FNBP1L: variants seen among roughly 807,000 people sequenced by gnomAD.
The protein encoded by FNBP1L is formin binding protein 1 like, also known as formin-binding protein 1-like.
A neutral mutation model predicts 91.2 loss-of-function variants in FNBP1L; 36 were observed. The observed-to-expected ratio is 0.39, with a 90% CI of 0.30 to 0.52. The LOEUF is 0.52. Ranked by LOEUF, FNBP1L falls within the 20% of genes least tolerant of loss-of-function variation. FNBP1L has a pLI of 0.66. For synonymous variants in FNBP1L, 242 were observed against 237.0 expected, an observed-to-expected ratio of 1.02 and a Z score of -0.19; for missense variants, 571 against 732.1, an observed-to-expected ratio of 0.78 and a Z score of 2.54.
chr1:93,492,067 A>G (rs1176443376), intron 1 of FNBP1L, among the ~76,000 whole-genome samples: 2 of 152,230 alleles, frequency 1.3e-5, no homozygotes, highest in Non-Finnish European at 2.9e-5. Flanking sequence ...GAGCTAATAC[A>G]TAGATATAGT....
intron 2 of FNBP1L, among the ~76,000 whole-genome samples, chr1:93,520,123 AATTATTGGTAT>A (rs1328282147): frequency 6.6e-6 from 1 of 152,128 alleles, no homozygotes; most frequent in Admixed American, 6.5e-5. Flanking sequence ...AGTATATTAC[AATTATTGGTAT>A]ATACTTGTCT....
chr1:93,513,049 A>G (rs948284632), intron 2 of FNBP1L, among the ~76,000 whole-genome samples: 1 of 152,248 alleles, frequency 6.6e-6, no homozygotes, highest in Admixed American at 6.5e-5. Flanking sequence ...AAAAGAGAGA[A>G]GAATCAAATA....
intron 10 of FNBP1L, among the ~76,000 whole-genome samples, chr1:93,540,237 A>G (rs912306534): frequency 6.6e-6 from 1 of 152,138 alleles, no homozygotes; most frequent in African/African-American, 2.4e-5. Flanking sequence ...GTACAAGAGC[A>G]CTATGGTTGG....
At chr1:93,463,968 A>G (rs1456294021) in intron 1 of FNBP1L, among the ~76,000 whole-genome samples, 1 of 152,196 alleles carries the variant, frequency 6.6e-6, no homozygotes, top group Non-Finnish European at 1.5e-5. Flanking sequence ...CAAGTGCATA[A>G]TGCCATGAAT....
At chr1:93,545,311 G>A (rs1672185710) in intron 12 of FNBP1L, among the ~76,000 whole-genome samples, 1 of 152,110 alleles carries the variant, frequency 6.6e-6, no homozygotes, top group Non-Finnish European at 1.5e-5. Context: ...CAGAATATGA[G>A]AATACGAGCA....
intron 1 of FNBP1L, among the ~76,000 whole-genome samples, chr1:93,451,695 A>C (rs1489806529): frequency 6.6e-6 from 1 of 152,104 alleles, no homozygotes; most frequent in East Asian, 1.9e-4. Context: ...TCTGTTGCCT[A>C]GCCTGGAGTG....
intron 1 of FNBP1L, among the ~76,000 whole-genome samples, chr1:93,457,490 AT>A (rs1162552082): frequency 6.6e-6 from 1 of 151,850 alleles, no homozygotes; most frequent in African/African-American, 2.4e-5. Flanking sequence ...TTGGATTTTG[AT>A]TTTTTTCCCC....
At chr1:93,547,122 A>T in intron 13 of FNBP1L, 148 bp downstream of exon 13, 2 of 1,055,170 alleles carry the variant, frequency 1.9e-6, no homozygotes, top group South Asian at 3.2e-5. Context: ...TGTGTTATTT[A>T]ATCTCATTAA....
intron 11 of FNBP1L, among the ~76,000 whole-genome samples, chr1:93,542,011 ACTC>A (rs1285177728): frequency 2.0e-5 from 3 of 151,960 alleles, no homozygotes; most frequent in East Asian, 1.9e-4. Flanking sequence ...ACAAAAAAAA[ACTC>A]CACAGTATGT....
intron 5 of FNBP1L, among the ~76,000 whole-genome samples, chr1:93,527,707 C>CA (rs1671536924): frequency 6.6e-6 from 1 of 151,886 alleles, no homozygotes; most frequent in African/African-American, 2.4e-5. Flanking sequence ...GTGGAGCTTT[C>CA]AATGGCTTTT....
chr1:93,500,256 C>T (rs1010121017), intron 2 of FNBP1L, among the ~76,000 whole-genome samples: 3 of 152,174 alleles, frequency 2.0e-5, no homozygotes, highest in Non-Finnish European at 4.4e-5. Context: ...GCATACATGA[C>T]TACAAAGTCC....
In FNBP1L at chr1:93,512,211, A is replaced by G. The variant is rs1051732207; in HGVS notation, c.141-9871A>G. Among the ~76,000 whole-genome samples the G allele has an allele frequency of 2.1e-3, 317 of 152,328 alleles. 1 individual carries two copies. The highest frequency in any genetic ancestry group is 6.2e-3 in the Admixed American group (95 of 15,306). On this transcript the variant is annotated intron_variant, in intron 2 of 16. Transcript: ENST00000271234. The stretch of plus-strand genomic sequence containing the variant: ...TAATGGTAATGGGATCAATTCAACA[A>G]GAAGAGCTAACTATCCTAAATATAT...
At chr1:93,540,297 A>G (rs1424507605) in intron 10 of FNBP1L, among the ~76,000 whole-genome samples, 1 of 152,146 alleles carries the variant, frequency 6.6e-6, no homozygotes. Context: ...ATACATTTTA[A>G]TCAATTTTCT....
At chr1:93,456,077 G>C (rs1214624579) in intron 1 of FNBP1L, among the ~76,000 whole-genome samples, 1 of 152,218 alleles carries the variant, frequency 6.6e-6, no homozygotes, top group Non-Finnish European at 1.5e-5. Context: ...TCCAGCCTGG[G>C]CAATATAATG....
chr1:93,468,066 A>T (rs1669151718), intron 1 of FNBP1L, among the ~76,000 whole-genome samples: 1 of 152,138 alleles, frequency 6.6e-6, no homozygotes, highest in South Asian at 2.1e-4. Context: ...TCATTACCTC[A>T]GAAGGAAAGC....
intron 1 of FNBP1L, among the ~76,000 whole-genome samples, chr1:93,477,521 T>C (rs1043054878): frequency 6.6e-6 from 1 of 152,184 alleles, no homozygotes; most frequent in African/African-American, 2.4e-5. Flanking sequence ...TCTGCAAACT[T>C]TCGGGTGCAC....
chr1:93,507,099 A>ACTCTCT (rs1670654107), intron 2 of FNBP1L, among the ~76,000 whole-genome samples: 1 of 66,374 alleles, frequency 1.5e-5, no homozygotes, highest in Non-Finnish European at 2.7e-5. Context: ...ACACACACAC[A>ACTCTCT]CACACACACT....
At chr1:93,516,187 A>AG (rs993566750) in intron 2 of FNBP1L, among the ~76,000 whole-genome samples, 54 of 146,578 alleles carry the variant, frequency 3.7e-4, no homozygotes, top group Non-Finnish European at 6.6e-4. Context: ...TACTGTGTCA[A>AG]GGGGGAAAAA....
chr1:93,482,833 C>A (rs1456801810), intron 1 of FNBP1L, among the ~76,000 whole-genome samples: 2 of 151,980 alleles, frequency 1.3e-5, no homozygotes, highest in South Asian at 2.1e-4. Context: ...TCCTGACTAA[C>A]ACGGTGAAAC....
Sources: gnomAD v4.1 joint callset for allele counts (sites outside exome capture counted in the v4.1 genomes callset) on GRCh38, gnomAD v4.1.1 for gene constraint, MANE v1.5 for transcripts, NCBI Gene and HGNC (gene_info 2026-07-23, HGNC 2026-07-21) for gene names.